Variants in MYO5B observed in about 807,000 individuals in gnomAD.
MYO5B encodes the protein unconventional myosin-Vb.
Under a neutral mutation model 229.3 loss-of-function variants are expected in MYO5B, and 143 were observed. The observed-to-expected ratio is 0.62, with a 90% CI of 0.54 to 0.72. The LOEUF (loss-of-function observed/expected upper bound fraction) is 0.72, where lower values mean the gene tolerates loss of function less well. Ranked by LOEUF, MYO5B falls within the 30% of genes least tolerant of loss-of-function variation. The pLI, the probability that MYO5B is intolerant of heterozygous loss-of-function variation, is 0.00. For missense variants in MYO5B, 2,321 were observed against 2,331.0 expected, an observed-to-expected ratio of 1.00 and a Z score of 0.09; for synonymous variants, 918 against 885.2, an observed-to-expected ratio of 1.04 and a Z score of -0.66.
intron 22 of MYO5B, among the ~76,000 whole-genome samples, chr18:49,887,277 C>T (rs574765342): frequency 6.6e-6 from 1 of 152,186 alleles, no homozygotes; most frequent in East Asian, 1.9e-4. Flanking sequence ...CTGTGCTGGT[C>T]AGATGGCACG....
At chr18:50,002,817 T>C (rs2026062671) in intron 4 of MYO5B, among the ~76,000 whole-genome samples, 1 of 152,010 alleles carries the variant, frequency 6.6e-6, no homozygotes, top group South Asian at 2.1e-4. Flanking sequence ...TGAGGACAGG[T>C]TTAGAACTTG....
chr18:50,122,830 A>AT lies in MYO5B; in HGVS notation c.28-67453dup, dbSNP rs1159820897. ...AATAGAAAATAAGGTGTCAACAAAG[A>AT]TGTAGAGAAATTGGAACCCTCAGAC... On this transcript the variant is annotated intron_variant, in intron 1 of 39. Coordinates refer to ENST00000285039, the MANE Select transcript of MYO5B (RefSeq NM_001080467.3). Among the ~76,000 whole-genome samples, 497 of 152,322 alleles carry AT rather than the reference A, an allele frequency of 3.3e-3. 4 individuals carry two copies. Among genetic ancestry groups the AT allele is most frequent in the African/African-American group, 0.011 (466 of 41,556 alleles).
chr18:49,923,320 C>G (rs1251174563), intron 17 of MYO5B, among the ~76,000 whole-genome samples: 2 of 152,224 alleles, frequency 1.3e-5, no homozygotes, highest in Non-Finnish European at 2.9e-5. Context: ...TGACTTGAAT[C>G]TTTCATTCCC....
At chr18:50,148,115 T>C (rs1442715878) in intron 1 of MYO5B, among the ~76,000 whole-genome samples, 3 of 150,014 alleles carry the variant, frequency 2.0e-5, no homozygotes, top group African/African-American at 7.4e-5. Flanking sequence ...ACACATACAC[T>C]CTCCCAAGAC....
intron 1 of MYO5B, among the ~76,000 whole-genome samples, chr18:50,065,170 A>G (rs915023082): frequency 1.3e-5 from 2 of 152,162 alleles, no homozygotes; most frequent in African/African-American, 2.4e-5. Flanking sequence ...TTCAACTCCT[A>G]TATGTCCCTA....
chr18:49,844,199 TG>T (rs2080896148), intron 33 of MYO5B, among the ~76,000 whole-genome samples: 1 of 152,228 alleles, frequency 6.6e-6, no homozygotes, highest in Non-Finnish European at 1.5e-5. Flanking sequence ...AGGAAGCAGC[TG>T]TCAGACCATT....
chr18:49,853,360 T>G, intron 31 of MYO5B, 89 bp downstream of exon 31: 1 of 1,323,828 alleles, frequency 7.6e-7, no homozygotes. Flanking sequence ...GTCATGAACC[T>G]TGTCAGTTTT....
At chr18:49,872,731 C>G (rs28635912) in intron 26 of MYO5B, among the ~76,000 whole-genome samples, 36,586 of 152,072 alleles carry the variant, frequency 0.24, 4,540 homozygotes, top group East Asian at 0.42. Flanking sequence ...GGGAACACCA[C>G]GATGGCCAAA....
chr18:50,048,337 G>T (rs1477027666), intron 2 of MYO5B, among the ~76,000 whole-genome samples: 1 of 152,182 alleles, frequency 6.6e-6, no homozygotes, highest in Non-Finnish European at 1.5e-5. Flanking sequence ...AGGAAATTCA[G>T]TTAAGTTATG....
chr18:50,157,589 C>A (rs1392346471), intron 1 of MYO5B, among the ~76,000 whole-genome samples: 2 of 152,192 alleles, frequency 1.3e-5, no homozygotes, highest in Non-Finnish European at 2.9e-5. Context: ...CTCTTCTCCC[C>A]AACTCCAGCC....
chr18:50,049,024 GAA>G (rs33975553), intron 2 of MYO5B, among the ~76,000 whole-genome samples: 6,447 of 126,574 alleles, frequency 0.051, 313 homozygotes, highest in East Asian at 0.23. Context: ...TCCATCTCAG[GAA>G]AAAAAAAAAA....
At chr18:50,095,465 G>A (rs1021212889) in intron 1 of MYO5B, among the ~76,000 whole-genome samples, 4 of 152,172 alleles carry the variant, frequency 2.6e-5, no homozygotes, top group Non-Finnish European at 5.9e-5. Context: ...TAGATACCTG[G>A]TACTTGCTTA....
chr18:50,041,997 T>C (rs1459491280), intron 2 of MYO5B, among the ~76,000 whole-genome samples: 2 of 152,156 alleles, frequency 1.3e-5, no homozygotes, highest in Non-Finnish European at 2.9e-5. Flanking sequence ...TGAAAAACTA[T>C]TCAACTTCAT....
At chr18:49,997,816 C>A (rs1267604735) in intron 5 of MYO5B, among the ~76,000 whole-genome samples, 1 of 152,120 alleles carries the variant, frequency 6.6e-6, no homozygotes, top group Non-Finnish European at 1.5e-5. Flanking sequence ...TAGGTCTCCC[C>A]AGGAGGTGTC....
intron 17 of MYO5B, among the ~76,000 whole-genome samples, chr18:49,924,718 G>A (rs1421454582): frequency 6.6e-6 from 1 of 152,186 alleles, no homozygotes; most frequent in African/African-American, 2.4e-5. Flanking sequence ...AGCATAACTT[G>A]GGGCAGAGGA....
chr18:50,175,661 T>C (rs1790415), intron 1 of MYO5B, among the ~76,000 whole-genome samples: 37,608 of 152,248 alleles, frequency 0.25, 5,235 homozygotes, highest in Admixed American at 0.35. Flanking sequence ...CAGTCATTTC[T>C]AGACACCTTT....
At chr18:50,094,012 A>G (rs997691565) in intron 1 of MYO5B, among the ~76,000 whole-genome samples, 1 of 152,184 alleles carries the variant, frequency 6.6e-6, no homozygotes, top group Non-Finnish European at 1.5e-5. Context: ...CTGCCTTCGG[A>G]GTAACCACTC....
rs757051892 is a variant in MYO5B, at chr18:49,963,020, A to T, written c.1333T>A (p.Phe445Ile). Residue 445 changes from phenylalanine (F) to isoleucine (I), a missense_variant, in exon 11 of 40, where the codon TTT becomes ATT. Coordinates refer to ENST00000285039, the MANE Select transcript of MYO5B (RefSeq NM_001080467.3). The stretch of plus-strand genomic sequence containing the variant: ...AACTGCTCAAAGCTGTTTACCTCAA[A>T]TGTCTCAAACCTACAGAATGGAAAG... ...GVLDIYGFET[F>I]EVNSFEQFCI... 6.2e-7 allele frequency: 1 copy of T among 1,613,882 alleles called. No individual in the cohort carries two copies. The highest frequency in any genetic ancestry group is 1.3e-5 in the African/African-American group (1 of 75,032).
chr18:50,045,919 C>A (rs747560530), intron 2 of MYO5B, among the ~76,000 whole-genome samples: 1 of 152,206 alleles, frequency 6.6e-6, no homozygotes, highest in Non-Finnish European at 1.5e-5. Context: ...TCACTGATAA[C>A]TTCTCCCATA....
Sources: gnomAD v4.1 joint callset for allele counts (sites outside exome capture counted in the v4.1 genomes callset) on GRCh38, gnomAD v4.1.1 for gene constraint, MANE v1.5 for transcripts, NCBI Gene and HGNC (gene_info 2026-07-23, HGNC 2026-07-21) for gene names.